The following DPYD variants were observed in gnomAD, a reference collection of about 807,000 sequenced individuals.
DPYD encodes the protein dihydropyrimidine dehydrogenase.
Under a neutral mutation model 116.2 loss-of-function variants are expected in DPYD, and 109 were observed. That is an observed-to-expected ratio of 0.94 (90% confidence interval 0.80 to 1.10). The LOEUF (loss-of-function observed/expected upper bound fraction) is 1.10. DPYD is among the 50% of genes least tolerant of loss of function. DPYD has a pLI of 0.00. For missense variants in DPYD, 1,302 were observed against 1,254.5 expected (o/e 1.04, Z -0.57); for synonymous variants, 440 against 432.0 (o/e 1.02, Z -0.23).
chr1:97,774,070 T>C (rs927027986), intron 3 of DPYD, among the ~76,000 whole-genome samples: 1 of 152,028 alleles, frequency 6.6e-6, no homozygotes, highest in Non-Finnish European at 1.5e-5. Context: ...TGCCGTGGGG[T>C]CCACATTCCC....
At chr1:97,755,316 C>T (rs1453779005) in intron 3 of DPYD, among the ~76,000 whole-genome samples, 1 of 152,150 alleles carries the variant, frequency 6.6e-6, no homozygotes, top group Non-Finnish European at 1.5e-5. Flanking sequence ...CCCTGAATCC[C>T]CCAGCTGTGA....
intron 1 of DPYD, among the ~76,000 whole-genome samples, chr1:97,899,230 C>T (rs1337723368): frequency 2.0e-5 from 3 of 151,734 alleles, no homozygotes; most frequent in African/African-American, 4.8e-5. Flanking sequence ...TGAAGTCAGT[C>T]ACACAGCACT....
intron 3 of DPYD, among the ~76,000 whole-genome samples, chr1:97,748,834 C>T (rs1015087820): frequency 5.3e-5 from 8 of 152,094 alleles, no homozygotes; most frequent in African/African-American, 1.9e-4. Context: ...TTGGTTGTTT[C>T]CCCATGGTAA....
intron 16 of DPYD, among the ~76,000 whole-genome samples, chr1:97,357,422 T>C (rs1003610743): frequency 6.6e-6 from 1 of 152,140 alleles, no homozygotes; most frequent in African/African-American, 2.4e-5. Context: ...ATCATGTTAG[T>C]AAACAGCAAC....
chr1:97,082,202 A>T, intron 22 of DPYD, 128 bp downstream of exon 22: 1 of 1,102,532 alleles, frequency 9.1e-7, no homozygotes, highest in Non-Finnish European at 1.4e-6. Flanking sequence ...AGAAAGATGT[A>T]CTGTTGCAGA....
At position 97,216,223 on chromosome 1, in the gene DPYD, T is replaced by C. The variant is rs532751162; in HGVS notation, c.2442+18629A>G. 1.3e-3 allele frequency among the ~76,000 whole-genome samples: 194 copies of C among 152,270 alleles called. 1 individual carries two copies. The highest frequency in any genetic ancestry group is 1.9e-3 in the Non-Finnish European group (126 of 68,010). ...AGCCTTTTAGAAATCTACTGAACTGTAACTTTGATGCCATAAACCACATAT... is the reference window on the plus strand; with the variant it reads ...AGCCTTTTAGAAATCTACTGAACTGCAACTTTGATGCCATAAACCACATAT... On this transcript the variant is annotated intron_variant, in intron 19 of 22. Coordinates refer to ENST00000370192, the MANE Select transcript of DPYD (RefSeq NM_000110.4).
chr1:97,417,433 A>G (rs1026895019), intron 14 of DPYD, among the ~76,000 whole-genome samples: 1 of 152,208 alleles, frequency 6.6e-6, no homozygotes, highest in South Asian at 2.1e-4. Flanking sequence ...AAATTATTAT[A>G]TATGTCTTGC....
intron 6 of DPYD, among the ~76,000 whole-genome samples, chr1:97,692,735 T>C (rs1661077869): frequency 6.6e-6 from 1 of 152,212 alleles, no homozygotes; most frequent in Admixed American, 6.5e-5. Flanking sequence ...ACACAAAAGA[T>C]AATTACATTT....
chr1:97,442,493 C>T (rs1024598621), intron 14 of DPYD, among the ~76,000 whole-genome samples: 2 of 151,116 alleles, frequency 1.3e-5, no homozygotes, highest in African/African-American at 4.9e-5. Context: ...TTTTTGCTAC[C>T]CTTGTTTTGT....
chr1:97,260,668 A>C (rs182465125), intron 18 of DPYD, among the ~76,000 whole-genome samples: 11 of 152,280 alleles, frequency 7.2e-5, no homozygotes, highest in Admixed American at 4.6e-4. Context: ...CAAACAAAAA[A>C]CACTCAAATA....
At chr1:97,149,975 C>T (rs1296054335) in intron 20 of DPYD, among the ~76,000 whole-genome samples, 2 of 152,224 alleles carry the variant, frequency 1.3e-5, no homozygotes, top group Non-Finnish European at 2.9e-5. Flanking sequence ...GTCAACGAGC[C>T]TCCACATAAT....
At chr1:97,094,261 T>A (rs550842279) in intron 21 of DPYD, among the ~76,000 whole-genome samples, 45 of 152,160 alleles carry the variant, frequency 3.0e-4, no homozygotes, top group African/African-American at 1.1e-3. Context: ...ACGGTTACAA[T>A]GGGGGAATTT....
chr1:97,799,022 G>T (rs1333717), intron 3 of DPYD, among the ~76,000 whole-genome samples: 1 of 151,704 alleles, frequency 6.6e-6, no homozygotes, highest in African/African-American at 2.4e-5. Flanking sequence ...TAGACATTAC[G>T]TCTCTACTTG....
chr1:97,262,172 G>GTT (rs1284204991), intron 18 of DPYD, among the ~76,000 whole-genome samples: 3 of 152,046 alleles, frequency 2.0e-5, no homozygotes, highest in Admixed American at 6.6e-5. Context: ...AGCTCCGTAA[G>GTT]GGCAGGAGAA....
At chr1:97,869,837 C>T (rs1179673165) in intron 2 of DPYD, among the ~76,000 whole-genome samples, 2 of 151,502 alleles carry the variant, frequency 1.3e-5, no homozygotes, top group Non-Finnish European at 1.5e-5. Context: ...GGGTTTAACT[C>T]CTTCTTTCTG....
intron 14 of DPYD, among the ~76,000 whole-genome samples, chr1:97,419,019 T>C (rs1208539044): frequency 6.6e-6 from 1 of 152,148 alleles, no homozygotes. Context: ...TCCCAGACAA[T>C]GATGTTTCAG....
intron 5 of DPYD, among the ~76,000 whole-genome samples, chr1:97,714,296 C>T (rs564572079): frequency 3.3e-5 from 5 of 152,172 alleles, no homozygotes; most frequent in Admixed American, 2.6e-4. Flanking sequence ...TCATTGCAAC[C>T]TCTGCCTCCA....
rs12564345 is a variant in DPYD at position 97,557,280 on chromosome 1, C to T, written c.1340-7536G>A. Among the ~76,000 whole-genome samples, 1,224 of 148,560 alleles carry T rather than the reference C, an allele frequency of 8.2e-3. 14 individuals are homozygous for T. Among genetic ancestry groups the T allele is most frequent in the African/African-American group, 0.028 (1,138 of 40,298 alleles). On this transcript the variant is annotated intron_variant, in intron 11 of 22. Transcript: ENST00000370192. ...AGCCCTTTGTCAGATGAGTAGGTTG[C>T]GAAAATTTTCTATTCCCTTTTTCTT...
intron 20 of DPYD, among the ~76,000 whole-genome samples, chr1:97,182,088 T>G (rs1418987369): frequency 6.6e-6 from 1 of 152,158 alleles, no homozygotes; most frequent in Non-Finnish European, 1.5e-5. Context: ...CTCTCTCTTC[T>G]GTGGTAAGCT....
Sources: allele counts gnomAD v4.1 joint callset (sites outside exome capture counted in the v4.1 genomes callset), GRCh38; gene constraint gnomAD v4.1.1; transcripts MANE v1.5; gene names NCBI Gene and HGNC (gene_info 2026-07-23, HGNC 2026-07-21).